The following ZBTB7C variants were observed in gnomAD, a reference collection of about 807,000 sequenced individuals.
The protein encoded by ZBTB7C is zinc finger and BTB domain-containing protein 7C.
ZBTB7C carries 8 observed loss-of-function variants against 25.7 expected under a neutral mutation model. That is an observed-to-expected ratio of 0.31 (90% CI 0.18 to 0.56). ZBTB7C has a LOEUF of 0.56. Ranked by LOEUF, ZBTB7C falls within the 20% of genes least tolerant of loss-of-function variation. The probability of loss-of-function intolerance (pLI) is 0.91; values close to 1 mark genes in which losing one functional copy is unlikely to be tolerated. For missense variants in ZBTB7C, 824 were observed against 855.2 expected, an observed-to-expected ratio of 0.96 and a Z score of 0.46; for synonymous variants, 394 against 369.0, an observed-to-expected ratio of 1.07 and a Z score of -0.78.
intron 2 of ZBTB7C, among the ~76,000 whole-genome samples, chr18:48,314,170 G>T (rs75933534): frequency 6.6e-6 from 1 of 152,320 alleles, no homozygotes; most frequent in East Asian, 1.9e-4. Flanking sequence ...ACCAAATTTA[G>T]TGAACAAAAG....
At position 48,336,391 on chromosome 18, in the gene ZBTB7C, G is replaced by A. The variant is rs532074517; in HGVS notation, c.-79+1783C>T. The stretch of plus-strand genomic sequence containing the variant: ...GCTACATGTACCGATCACTTATTAT[G>A]GTGCCAGCTGCTGTCCTAAGTGTGT... On this transcript the variant is annotated intron_variant, in intron 2 of 4. Coordinates refer to ENST00000590800, the MANE Select transcript of ZBTB7C (RefSeq NM_001318841.2). Among the ~76,000 whole-genome samples the A allele has an allele frequency of 2.0e-5, 3 of 152,288 alleles. No individual in the cohort carries two copies. In the East Asian group the frequency reaches 5.8e-4, roughly 29 times the overall value.
chr18:48,085,048 C>A (rs1388377158), intron 3 of ZBTB7C, among the ~76,000 whole-genome samples: 1 of 152,158 alleles, frequency 6.6e-6, no homozygotes, highest in Non-Finnish European at 1.5e-5. Flanking sequence ...TCATTAACAT[C>A]TTATCAGTCA....
In ZBTB7C at chr18:48,029,807, T is replaced by G; in HGVS notation, c.1313A>C (p.His438Pro). The G allele has an allele frequency of 6.2e-7, 1 of 1,609,138 alleles. No homozygotes were observed. Among genetic ancestry groups the G allele is most frequent in the Non-Finnish European group, 8.5e-7 (1 of 1,179,990 alleles). The change falls in exon 5 of 5, where the codon CAC becomes CCC. Residue 438 changes from histidine (H) to proline (P), a missense_variant. This residue lies in a region of ZBTB7C where 342 missense variants were observed against 307.0 expected (regional missense o/e 1.11). Coordinates refer to ENST00000590800, the MANE Select transcript of ZBTB7C (RefSeq NM_001318841.2). Reference protein sequence around the residue: ...KFVHNYDLKNHMRIHTGVRPY... With the variant: ...KFVHNYDLKNPMRIHTGVRPY... The stretch of plus-strand genomic sequence containing the variant: ...CCGCACGCCCGTGTGGATGCGCATG[T>G]GGTTCTTGAGGTCGTAGTTGTGCAC...
chr18:48,155,045 C>T lies in ZBTB7C; in HGVS notation c.-17+30889G>A, dbSNP rs147371438. 3.8e-3 allele frequency among the ~76,000 whole-genome samples: 572 copies of T among 152,250 alleles called. 5 individuals are homozygous for T. Among genetic ancestry groups the T allele is most frequent in the African/African-American group, 0.013 (541 of 41,536 alleles). Reference sequence around the variant, plus strand: ...CTGAATTCTCATTAGCAGTCCCTTACCCTATATTCTCATTTGCCATCTGGT... The same window carrying T: ...CTGAATTCTCATTAGCAGTCCCTTATCCTATATTCTCATTTGCCATCTGGT... On this transcript the variant is annotated intron_variant, in intron 3 of 4. Coordinates refer to ENST00000590800, the MANE Select transcript of ZBTB7C (RefSeq NM_001318841.2).
intron 1 of ZBTB7C, 64 bp downstream of exon 1, chr18:48,409,162 G>A (rs1418997890): frequency 6.7e-6 from 1 of 148,516 alleles, no homozygotes; most frequent in Non-Finnish European, 1.5e-5. Context: ...CTCGGCTGCC[G>A]AGGTGCTGTG....
intron 2 of ZBTB7C, among the ~76,000 whole-genome samples, chr18:48,260,597 C>G (rs1568336586): frequency 6.6e-6 from 1 of 152,174 alleles, no homozygotes; most frequent in Non-Finnish European, 1.5e-5. Flanking sequence ...TGCAGCAGAT[C>G]AAGGCAGACT....
chr18:48,382,813 T>C (rs2145214432), intron 1 of ZBTB7C, among the ~76,000 whole-genome samples: 1 of 152,324 alleles, frequency 6.6e-6, no homozygotes, highest in Non-Finnish European at 1.5e-5. Context: ...GCCCATGGAA[T>C]AACAGAGCTT....
chr18:48,325,358 T>A (rs2046194699), intron 2 of ZBTB7C, among the ~76,000 whole-genome samples: 1 of 152,210 alleles, frequency 6.6e-6, no homozygotes, highest in Non-Finnish European at 1.5e-5. Flanking sequence ...TGTAATACAA[T>A]ATAAATGGGA....
chr18:48,408,203 C>T (rs1001005133), intron 1 of ZBTB7C, among the ~76,000 whole-genome samples: 1 of 152,254 alleles, frequency 6.6e-6, no homozygotes, highest in African/African-American at 2.4e-5. Context: ...GCCTCCACAG[C>T]TTTGCAGATT....
intron 2 of ZBTB7C, among the ~76,000 whole-genome samples, chr18:48,336,322 C>A (rs1415574184): frequency 6.6e-6 from 1 of 152,218 alleles, no homozygotes; most frequent in African/African-American, 2.4e-5. Flanking sequence ...CTCTCACCCC[C>A]CACCAGACTG....
chr18:48,254,456 T>G (rs886167233), intron 2 of ZBTB7C, among the ~76,000 whole-genome samples: 2 of 152,310 alleles, frequency 1.3e-5, no homozygotes, highest in East Asian at 3.9e-4. Context: ...GTGGGCCCTA[T>G]GTAAATCAGG....
chr18:48,123,588 G>C (rs541404092), intron 3 of ZBTB7C, among the ~76,000 whole-genome samples: 2 of 152,228 alleles, frequency 1.3e-5, no homozygotes, highest in African/African-American at 2.4e-5. Context: ...CCTCTTGCAG[G>C]AGTTGATCCC....
intron 2 of ZBTB7C, among the ~76,000 whole-genome samples, chr18:48,323,194 T>C (rs2046138872): frequency 3.3e-5 from 5 of 152,022 alleles, no homozygotes; most frequent in Admixed American, 3.3e-4. Flanking sequence ...AAATAAAAAA[T>C]TGAAAGAAAA....
chr18:48,123,471 C>T (rs1050311400), intron 3 of ZBTB7C, among the ~76,000 whole-genome samples: 1 of 152,236 alleles, frequency 6.6e-6, no homozygotes, highest in African/African-American at 2.4e-5. Context: ...GCGTTTTGGC[C>T]CAAGCTGGGA....
At chr18:48,077,451 G>A (rs1223094789) in intron 3 of ZBTB7C, among the ~76,000 whole-genome samples, 1 of 152,138 alleles carries the variant, frequency 6.6e-6, no homozygotes, top group Non-Finnish European at 1.5e-5. Flanking sequence ...TGCAATAAAC[G>A]CACAAAACCA....
chr18:48,156,910 C>CAA (rs2040857132), intron 3 of ZBTB7C, among the ~76,000 whole-genome samples: 5 of 151,946 alleles, frequency 3.3e-5, no homozygotes, highest in African/African-American at 1.2e-4. Flanking sequence ...CATTAGGGGT[C>CAA]TCTCTGGCTG....
chr18:48,087,217 A>T (rs2038224896), intron 3 of ZBTB7C, among the ~76,000 whole-genome samples: 1 of 152,222 alleles, frequency 6.6e-6, no homozygotes, highest in African/African-American at 2.4e-5. Flanking sequence ...ATCCAAAAGC[A>T]AGGAGGGCAT....
intron 1 of ZBTB7C, among the ~76,000 whole-genome samples, chr18:48,370,576 T>C (rs371989815): frequency 6.6e-6 from 1 of 152,164 alleles, no homozygotes; most frequent in East Asian, 1.9e-4. Flanking sequence ...GAAACTGGGT[T>C]AAAAGTACAC....
At chr18:48,353,912 T>C (rs940296081) in intron 1 of ZBTB7C, among the ~76,000 whole-genome samples, 2 of 152,156 alleles carry the variant, frequency 1.3e-5, no homozygotes, top group Non-Finnish European at 2.9e-5. Context: ...GCATTTTCCA[T>C]TGCAGCAGGG....
Sources: gnomAD v4.1 joint callset for allele counts (sites outside exome capture counted in the v4.1 genomes callset) on GRCh38, gnomAD v4.1.1 for gene constraint, gnomAD v4.1.1 regional missense constraint, MANE v1.5 for transcripts, NCBI Gene and HGNC (gene_info 2026-07-23, HGNC 2026-07-21) for gene names.